Variants in PINX1 observed in about 807,000 individuals in gnomAD.
PINX1 encodes PIN2 (TERF1) interacting telomerase inhibitor 1.
In PINX1, 34 loss-of-function variants were observed where a neutral mutation model predicts 25.4. The observed-to-expected ratio is 1.34, with a 90% CI of 1.02 to 1.78. The LOEUF (loss-of-function observed/expected upper bound fraction) is 1.78, where lower values mean the gene tolerates loss of function less well. PINX1 is among the 40% of genes most tolerant of loss of function. PINX1 has a pLI of 0.00. For missense variants in PINX1, 592 were observed against 404.9 expected, an observed-to-expected ratio of 1.46 and a Z score of -3.97; for synonymous variants, 197 against 147.7, an observed-to-expected ratio of 1.33 and a Z score of -2.42.
intron 6 of PINX1, among the ~76,000 whole-genome samples, chr8:10,774,165 G>A (rs1801315274): frequency 2.0e-5 from 3 of 152,164 alleles, no homozygotes. Flanking sequence ...CACAGGAAGA[G>A]GTGAAAATTG....
chr8:10,803,326 G>C (rs1451805448), intron 6 of PINX1, among the ~76,000 whole-genome samples: 1 of 152,178 alleles, frequency 6.6e-6, no homozygotes, highest in Non-Finnish European at 1.5e-5. Context: ...TAATCAAACA[G>C]ACAATAATTT....
chr8:10,771,935 T>C (rs1045679163), intron 6 of PINX1, among the ~76,000 whole-genome samples: 2 of 152,176 alleles, frequency 1.3e-5, no homozygotes, highest in Non-Finnish European at 2.9e-5. Flanking sequence ...TAGCAATAAA[T>C]AGAAACTCAG....
At chr8:10,802,464 C>A (rs1802298024) in intron 6 of PINX1, among the ~76,000 whole-genome samples, 1 of 152,216 alleles carries the variant, frequency 6.6e-6, no homozygotes, top group Non-Finnish European at 1.5e-5. Flanking sequence ...TAGCTTTGTA[C>A]TCCACTCCAT....
chr8:10,810,960 T>C (rs1022263194), intron 6 of PINX1, among the ~76,000 whole-genome samples: 6 of 152,230 alleles, frequency 3.9e-5, no homozygotes, highest in Admixed American at 3.3e-4. Context: ...CACACACAGA[T>C]ACAATTTTCT....
chr8:10,772,755 T>A (rs1375584993), intron 6 of PINX1, among the ~76,000 whole-genome samples: 3 of 152,150 alleles, frequency 2.0e-5, no homozygotes, highest in Non-Finnish European at 4.4e-5. Flanking sequence ...AATAACAGAA[T>A]GAGAATTATG....
At chr8:10,784,788 G>A (rs1011236316) in intron 6 of PINX1, among the ~76,000 whole-genome samples, 1 of 152,214 alleles carries the variant, frequency 6.6e-6, no homozygotes. Context: ...CTGAAGGGGG[G>A]ATGTCATTAA....
chr8:10,799,387 A>G (rs1373632454), intron 6 of PINX1, among the ~76,000 whole-genome samples: 1 of 152,162 alleles, frequency 6.6e-6, no homozygotes, highest in East Asian at 1.9e-4. Flanking sequence ...CCGAGGCCTG[A>G]CAGTTGCTGG....
intron 6 of PINX1, among the ~76,000 whole-genome samples, chr8:10,775,223 A>G (rs17152370): frequency 0.013 from 2,050 of 152,246 alleles, 49 homozygotes; most frequent in African/African-American, 0.047. Flanking sequence ...TTAAGTGAAA[A>G]AGTACAAGAA....
At chr8:10,805,238 G>C (rs1337873494) in intron 6 of PINX1, among the ~76,000 whole-genome samples, 1 of 152,230 alleles carries the variant, frequency 6.6e-6, no homozygotes, top group African/African-American at 2.4e-5. Flanking sequence ...ATCCAGCACA[G>C]ACAGCCTGCT....
intron 2 of PINX1, chr8:10,834,319 G>C (rs76863374): frequency 1.5e-5 from 3 of 202,514 alleles, no homozygotes; most frequent in African/African-American, 4.7e-5. Context: ...GCGGCCCACT[G>C]ATTTGGCACT....
chr8:10,766,663 T>C (rs1801059103), intron 6 of PINX1, among the ~76,000 whole-genome samples: 1 of 152,344 alleles, frequency 6.6e-6, no homozygotes, highest in Admixed American at 6.5e-5. Context: ...GGGACTGTGT[T>C]TGGGCTGTTT....
At chr8:10,800,990 T>C (rs1408790571) in intron 6 of PINX1, among the ~76,000 whole-genome samples, 1 of 152,196 alleles carries the variant, frequency 6.6e-6, no homozygotes, top group Non-Finnish European at 1.5e-5. Flanking sequence ...GGGGAGTCCC[T>C]GGCATCAGTC....
At chr8:10,788,273 G>C (rs1324851374) in intron 6 of PINX1, among the ~76,000 whole-genome samples, 1 of 152,168 alleles carries the variant, frequency 6.6e-6, no homozygotes, top group East Asian at 1.9e-4. Context: ...TTTAAAAAGT[G>C]AATGTAGGCT....
intron 6 of PINX1, among the ~76,000 whole-genome samples, chr8:10,819,197 C>G (rs1036625455): frequency 3.3e-5 from 5 of 152,348 alleles, no homozygotes; most frequent in African/African-American, 1.2e-4. Flanking sequence ...TCCCAATCTG[C>G]ACAGGGAATC....
intron 6 of PINX1, among the ~76,000 whole-genome samples, chr8:10,808,263 G>T (rs528845402): frequency 2.6e-5 from 4 of 152,310 alleles, no homozygotes; most frequent in East Asian, 3.9e-4. Context: ...TTATGACATG[G>T]AAAAATGTCA....
chr8:10,805,639 G>A, intron 6 of PINX1, among the ~76,000 whole-genome samples: 2 of 90,070 alleles, frequency 2.2e-5, no homozygotes, highest in Admixed American at 1.1e-4. Flanking sequence ...CACAGGAAGG[G>A]GCCACACTAG....
chr8:10,820,045 G>C, intron 6 of PINX1, 148 bp downstream of exon 6: 1 of 583,924 alleles, frequency 1.7e-6, no homozygotes, highest in Non-Finnish European at 3.1e-6. Flanking sequence ...ATTATGAAAA[G>C]GATCATATCT....
intron 6 of PINX1, among the ~76,000 whole-genome samples, chr8:10,810,353 G>T (rs1023184943): frequency 3.4e-4 from 52 of 152,116 alleles, no homozygotes; most frequent in African/African-American, 1.3e-3. Context: ...GGGACAAGTC[G>T]TGGCTCATGC....
At position 10,765,718 on chromosome 8, in the gene PINX1, C is replaced by G. The variant is rs994978530; in HGVS notation, c.670G>C (p.Val224Leu). The G allele has an allele frequency of 1.2e-6, 2 of 1,614,032 alleles. No homozygotes were observed. The highest frequency in any genetic ancestry group is 1.7e-6 in the Non-Finnish European group (2 of 1,179,894). The stretch of plus-strand genomic sequence containing the variant: ...GCCTTAGGCTGGAGGTAACTTTCCA[C>G]ATCTTTACCTGTGGCCTCTTTATTT... ...KRNKEATGKD[V>L]ESYLQPKAKR... Residue 224 changes from valine (V) to leucine (L), a missense_variant, in exon 7 of 7, where the codon GTG (valine) becomes CTG (leucine). Val to Leu is a conservative substitution (Grantham distance 32). Coordinates refer to ENST00000314787, the MANE Select transcript of PINX1 (RefSeq NM_017884.6).
Sources: allele counts gnomAD v4.1 joint callset (sites outside exome capture counted in the v4.1 genomes callset), GRCh38; gene constraint gnomAD v4.1.1; transcripts MANE v1.5; gene names NCBI Gene and HGNC (gene_info 2026-07-23, HGNC 2026-07-21).